The following NR1D2 variants were observed in gnomAD, a reference collection of about 807,000 sequenced individuals.
The protein encoded by NR1D2 is V-erbA-related protein 1-related.
In NR1D2, 25 loss-of-function variants were observed where a neutral mutation model predicts 52.2. The ratio of observed to expected loss-of-function variants is 0.48; its 90% confidence interval spans 0.35 to 0.67. The LOEUF (loss-of-function observed/expected upper bound fraction) is 0.67. NR1D2 is among the 30% of genes least tolerant of loss of function. The pLI is 0.01. For synonymous variants in NR1D2, 259 were observed against 230.1 expected, an observed-to-expected ratio of 1.13 and a Z score of -1.14; for missense variants, 681 against 707.2, an observed-to-expected ratio of 0.96 and a Z score of 0.42.
chr3:23,949,319 C>G (rs1705861533), intron 1 of NR1D2, among the ~76,000 whole-genome samples: 1 of 151,624 alleles, frequency 6.6e-6, no homozygotes, highest in Non-Finnish European at 1.5e-5. Flanking sequence ...GAGTCGAGAT[C>G]ACACCATTGC....
chr3:23,979,500 G>A lies in NR1D2; in HGVS notation c.*2081G>A, dbSNP rs1188501526. ...AAAACAATTAAGTCTTTAGGAATGT[G>A]TAACCAGAACTATGTTAGTATTGCT... is the stretch of plus-strand genomic sequence containing the variant. On this transcript the variant is annotated 3_prime_UTR_variant, in exon 8 of 8. Coordinates refer to ENST00000312521, the MANE Select transcript of NR1D2 (RefSeq NM_005126.5). 1 of 152,028 alleles carries A rather than the reference G, an allele frequency of 6.6e-6. No homozygotes were observed. The highest frequency in any genetic ancestry group is 1.9e-4 in the East Asian group (1 of 5,198). The allele number at this position is 152,028 out of a possible 1,614,324, so 9.4% of individuals were successfully genotyped here.
chr3:23,966,765 C>T (rs1706459910), intron 6 of NR1D2, among the ~76,000 whole-genome samples: 1 of 152,180 alleles, frequency 6.6e-6, no homozygotes, highest in Admixed American at 6.5e-5. Context: ...TGCAGTGGCT[C>T]ATGCTTGTAA....
intron 7 of NR1D2, among the ~76,000 whole-genome samples, chr3:23,972,570 G>T (rs1177341434): frequency 6.8e-6 from 1 of 147,962 alleles, no homozygotes; most frequent in Non-Finnish European, 1.5e-5. Context: ...ACAGACTTCA[G>T]TTGTCTTCAT....
intron 5 of NR1D2, chr3:23,963,393 T>G (rs1706339434): frequency 8.0e-7 from 1 of 1,253,542 alleles, no homozygotes; most frequent in Non-Finnish European, 1.0e-6. Flanking sequence ...TCATTAAAAT[T>G]TTTGTTGTCA....
intron 6 of NR1D2, among the ~76,000 whole-genome samples, chr3:23,967,052 G>A (rs773120135): frequency 2.0e-5 from 3 of 152,068 alleles, no homozygotes; most frequent in East Asian, 1.9e-4. Context: ...TAGGCCGGGC[G>A]CTGTGGCTCA....
rs1304511312 is a variant in NR1D2, at chr3:23,967,859, C to T, written c.1379C>T (p.Thr460Ile). 5 of 1,613,916 alleles carry T rather than the reference C, an allele frequency of 3.1e-6. No individual in the cohort carries two copies. The highest frequency in any genetic ancestry group is 3.4e-6 in the Non-Finnish European group (4 of 1,179,992). ...FASLFDAKER[T>I]VTFLSGKKYS... is the part of the protein sequence containing the mutation. ...TCATTATTTGATGCAAAGGAACGTA[C>T]TGTCACCTTTTTAAGTGGAAAGAAA... is the stretch of plus-strand genomic sequence containing the variant. The change falls in exon 7 of 8, where the codon ACT becomes ATT. Residue 460 changes from threonine (T) to isoleucine (I), a missense_variant. This residue lies in a region of NR1D2 where 475 missense variants were observed against 454.5 expected (regional missense o/e 1.05). Transcript: ENST00000312521.
At chr3:23,975,755 C>T (rs1706707792) in intron 7 of NR1D2, among the ~76,000 whole-genome samples, 1 of 151,702 alleles carries the variant, frequency 6.6e-6, no homozygotes, top group African/African-American at 2.4e-5. Context: ...GAAACTCCAT[C>T]TCAAAAAAAA....
intron 1 of NR1D2, chr3:23,946,693 A>G (rs1705729429): frequency 6.6e-6 from 1 of 152,206 alleles, no homozygotes; most frequent in Admixed American, 6.5e-5. Context: ...AAGACTGGAC[A>G]TTCTTCATTT....
intron 7 of NR1D2, among the ~76,000 whole-genome samples, chr3:23,970,463 T>C (rs1575158931): frequency 6.6e-6 from 1 of 152,160 alleles, no homozygotes; most frequent in East Asian, 1.9e-4. Context: ...GTAGAAAATA[T>C]TAAAATGGAA....
At chr3:23,973,087 G>A (rs1706632360) in intron 7 of NR1D2, among the ~76,000 whole-genome samples, 1 of 152,086 alleles carries the variant, frequency 6.6e-6, no homozygotes. Flanking sequence ...TCCCACTCAG[G>A]TATCTTCCCA....
At chr3:23,953,370 A>T (rs902747259) in intron 1 of NR1D2, among the ~76,000 whole-genome samples, 1 of 146,334 alleles carries the variant, frequency 6.8e-6, no homozygotes, top group East Asian at 2.0e-4. Context: ...AAAAAAAAAA[A>T]ATGCCAGTTT....
At chr3:23,947,309 C>T (rs1705761828) in intron 1 of NR1D2, among the ~76,000 whole-genome samples, 1 of 152,178 alleles carries the variant, frequency 6.6e-6, no homozygotes, top group South Asian at 2.1e-4. Flanking sequence ...TAAATCTTGC[C>T]TCGTGGAGCA....
chr3:23,945,749 C>T, intron 1 of NR1D2, among the ~76,000 whole-genome samples, 155 bp downstream of exon 1: 1 of 150,308 alleles, frequency 6.7e-6, no homozygotes, highest in East Asian at 2.0e-4. Context: ...CGGTTCCCAT[C>T]GCCCCCCGGG....
chr3:23,948,620 T>C (rs1705842848), intron 1 of NR1D2, among the ~76,000 whole-genome samples: 1 of 152,170 alleles, frequency 6.6e-6, no homozygotes, highest in South Asian at 2.1e-4. Context: ...TGCCAGGCCT[T>C]TTACATGTGT....
chr3:23,962,716 A>G, intron 5 of NR1D2, 111 bp downstream of exon 5: 1 of 988,964 alleles, frequency 1.0e-6, no homozygotes, highest in South Asian at 1.7e-5. Flanking sequence ...AACCTAAGAA[A>G]TTTACAGACT....
chr3:23,957,596 G>T, intron 3 of NR1D2, among the ~76,000 whole-genome samples: 1 of 151,344 alleles, frequency 6.6e-6, no homozygotes, highest in East Asian at 2.0e-4. Context: ...AGTGGTGGGC[G>T]CCTGTAGTCC....
intron 1 of NR1D2, chr3:23,946,379 C>A: frequency 1.2e-6 from 1 of 845,888 alleles, no homozygotes; most frequent in Non-Finnish European, 1.4e-6. Flanking sequence ...CCGGAGGAGG[C>A]GCCTCGGGGA....
chr3:23,949,943 G>T (rs753051631), intron 1 of NR1D2, among the ~76,000 whole-genome samples: 6 of 152,176 alleles, frequency 3.9e-5, no homozygotes, highest in African/African-American at 1.4e-4. Flanking sequence ...TTGACTTAAG[G>T]CTTGTCTGAA....
At chr3:23,959,256 C>G (rs531766027) in intron 3 of NR1D2, among the ~76,000 whole-genome samples, 1 of 142,088 alleles carries the variant, frequency 7.0e-6, no homozygotes, top group South Asian at 2.3e-4. Flanking sequence ...AGAACGAGAT[C>G]CTATCTCAAA....
Sources: gnomAD v4.1 joint callset for allele counts (sites outside exome capture counted in the v4.1 genomes callset) on GRCh38, gnomAD v4.1.1 for gene constraint, gnomAD v4.1.1 regional missense constraint, MANE v1.5 for transcripts, NCBI Gene and HGNC (gene_info 2026-07-23, HGNC 2026-07-21) for gene names.